The following CASTOR2 variants were observed in gnomAD, a reference collection of about 807,000 sequenced individuals.
The protein encoded by CASTOR2 is cytosolic arginine sensor for mTORC1 subunit 2, also known as GATS protein like 2.
Under a neutral mutation model 31.2 loss-of-function variants are expected in CASTOR2, and 8 were observed. That is an observed-to-expected ratio of 0.26 (90% confidence interval 0.15 to 0.46). CASTOR2 has a LOEUF of 0.46. CASTOR2 is among the 20% of genes least tolerant of loss of function. CASTOR2 has a pLI of 0.99. For synonymous variants in CASTOR2, 162 were observed against 158.7 expected (o/e 1.02, Z -0.16); for missense variants, 216 against 382.1 (o/e 0.57, Z 3.62).
At chr7:75,023,477 GT>G (rs1227555733) in intron 7 of CASTOR2, among the ~76,000 whole-genome samples, 28 of 44,716 alleles carry the variant, frequency 6.3e-4, no homozygotes, top group South Asian at 7.5e-4. Flanking sequence ...TTTGTTTTTT[GT>G]TTTTTTTTTT....
In CASTOR2 at chr7:75,026,189, G is replaced by GTTTTTTTTTT. The variant is rs879121750; in HGVS notation, c.*1498_*1507dup. On this transcript the variant is annotated 3_prime_UTR_variant, in exon 9 of 9. Transcript: ENST00000616305. ...CCCTGTGGTTTTGGCTCTGGCGGGGGTTTTTTTTTTTTTTTTTGAGATGGG... is the reference window on the plus strand; with the variant it reads ...CCCTGTGGTTTTGGCTCTGGCGGGGGTTTTTTTTTTTTTTTTTTTTTTTTTTTGAGATGGG... Among the ~76,000 whole-genome samples the GTTTTTTTTTT allele has an allele frequency of 4.2e-5, 5 of 117,710 alleles. No homozygotes were observed. The highest frequency in any genetic ancestry group is 2.8e-4 in the South Asian group (1 of 3,612). The allele number at this position is 117,710 out of a possible 152,430, so 77.2% of individuals were successfully genotyped here.
At chr7:74,995,355 G>A (rs1554437811) in intron 1 of CASTOR2, among the ~76,000 whole-genome samples, 2 of 151,860 alleles carry the variant, frequency 1.3e-5, no homozygotes, top group East Asian at 3.9e-4. Context: ...CCAGAGAGAA[G>A]GGATCAGATG....
chr7:74,967,351 G>A (rs1803588620), intron 1 of CASTOR2, among the ~76,000 whole-genome samples: 1 of 135,740 alleles, frequency 7.4e-6, no homozygotes, highest in African/African-American at 2.6e-5. Context: ...TTAATGGGTC[G>A]CAGCCTGCCG....
Position 75,003,623 on chromosome 7 carries a change from G to T in CASTOR2, c.114-4371G>T, listed in dbSNP as rs1187336780. On this transcript the variant is annotated intron_variant, in intron 1 of 8. Transcript: ENST00000616305. The stretch of plus-strand genomic sequence containing the variant: ...AAATTAGTTGGGCGTGGTGGCGTGC[G>T]CCTGTAGTCTCAGCTACTCTGGAGG... Among the ~76,000 whole-genome samples the T allele has an allele frequency of 5.9e-5, 9 of 152,074 alleles. No homozygotes were observed. The East Asian group carries it at 1.7e-3, about 29-fold the overall frequency.
chr7:74,989,741 A>G (rs2131929232), intron 1 of CASTOR2, among the ~76,000 whole-genome samples: 1 of 152,190 alleles, frequency 6.6e-6, no homozygotes, highest in Non-Finnish European at 1.5e-5. Flanking sequence ...TAATTTATTG[A>G]GCAAAATAAA....
At chr7:74,993,177 A>C (rs1465358327) in intron 1 of CASTOR2, among the ~76,000 whole-genome samples, 2 of 152,130 alleles carry the variant, frequency 1.3e-5, no homozygotes, top group Non-Finnish European at 2.9e-5. Context: ...CCAGCCTGGC[A>C]ACAGAGCAAG....
At chr7:74,995,836 A>G (rs1286762337) in intron 1 of CASTOR2, among the ~76,000 whole-genome samples, 3 of 151,338 alleles carry the variant, frequency 2.0e-5, no homozygotes, top group Non-Finnish European at 4.4e-5. Flanking sequence ...TTAGCCAGGC[A>G]TGGTGGTGTG....
In CASTOR2 at chr7:75,010,303, T is replaced by C. The variant is rs1272935562; in HGVS notation, c.184+2239T>C. Among the ~76,000 whole-genome samples, 335 of 152,110 alleles carry C rather than the reference T, an allele frequency of 2.2e-3. 2 individuals carry two copies. The highest frequency in any genetic ancestry group is 2.2e-3 in the Non-Finnish European group (148 of 67,988). ...TACAGGAGCAGAAGCAAGGGCCAGG[T>C]CCAGCCTCTAAAAAAGGGGAAGACA... On this transcript the variant is annotated intron_variant, in intron 2 of 8. Transcript: ENST00000616305.
chr7:74,973,414 C>T (rs1221158517), intron 1 of CASTOR2, among the ~76,000 whole-genome samples: 2 of 104,092 alleles, frequency 1.9e-5, no homozygotes, highest in Non-Finnish European at 3.8e-5. Context: ...GATCTCAGCT[C>T]ACTGCAACCT....
At chr7:74,988,855 C>CTTT (rs1423196185) in intron 1 of CASTOR2, among the ~76,000 whole-genome samples, 85 of 139,738 alleles carry the variant, frequency 6.1e-4, no homozygotes, top group African/African-American at 2.1e-3. Flanking sequence ...CTGAGGCATG[C>CTTT]TTTTTTTTTT....
intron 1 of CASTOR2, among the ~76,000 whole-genome samples, chr7:74,991,682 G>A (rs1294899741): frequency 3.3e-5 from 5 of 152,194 alleles, no homozygotes; most frequent in African/African-American, 9.6e-5. Flanking sequence ...AGGAGGGGAC[G>A]TAGTGGAGCA....
At chr7:75,009,416 C>A (rs1281162490) in intron 2 of CASTOR2, among the ~76,000 whole-genome samples, 12 of 150,956 alleles carry the variant, frequency 7.9e-5, no homozygotes, top group South Asian at 2.1e-4. Flanking sequence ...TACAGGCGCC[C>A]GCCACCACGC....
intron 6 of CASTOR2, among the ~76,000 whole-genome samples, chr7:75,021,455 G>A (rs1274858416): frequency 1.3e-5 from 2 of 152,158 alleles, no homozygotes; most frequent in Non-Finnish European, 2.9e-5. Context: ...CCTCACCATA[G>A]CACTTCATCA....
chr7:74,989,423 A>ATTTTTT (rs1804152019), intron 1 of CASTOR2, among the ~76,000 whole-genome samples: 3 of 148,238 alleles, frequency 2.0e-5, no homozygotes, highest in Non-Finnish European at 3.0e-5. Context: ...TGCCTGGGTA[A>ATTTTTT]TTTTTGTTTT....
intron 2 of CASTOR2, among the ~76,000 whole-genome samples, chr7:75,016,896 G>A (rs1291149719): frequency 1.3e-5 from 2 of 152,250 alleles, no homozygotes; most frequent in African/African-American, 2.4e-5. Context: ...GCTGGGCGCA[G>A]TGGCTCACGC....
Position 75,024,857 on chromosome 7 carries a change from AG to A in CASTOR2, c.*162del. On this transcript the variant is annotated 3_prime_UTR_variant, in exon 9 of 9. Coordinates refer to ENST00000616305, the MANE Select transcript of CASTOR2 (RefSeq NM_001145064.3). ...CCTCGATTGCCAATCCCTCCAGGGCAGGGGCCCACGCCAAGGCCTCTCCATG... is the reference window on the plus strand; with the variant it reads ...CCTCGATTGCCAATCCCTCCAGGGCAGGGCCCACGCCAAGGCCTCTCCATG... 1 of 1,532,948 alleles carries A rather than the reference AG, an allele frequency of 6.5e-7. No homozygotes were observed. The highest frequency in any genetic ancestry group is 8.8e-7 in the Non-Finnish European group (1 of 1,135,616). 95.0% of individuals were successfully genotyped at this position (1,532,948 alleles called of 1,614,324 possible).
chr7:75,022,672 G>A (rs899633804), intron 7 of CASTOR2, among the ~76,000 whole-genome samples: 1 of 152,130 alleles, frequency 6.6e-6, no homozygotes, highest in Admixed American at 6.5e-5. Context: ...AGTGGCGTGC[G>A]CCTGTAATCC....
chr7:75,021,786 T>C, intron 6 of CASTOR2, 88 bp from the exon 7 acceptor site: 10 of 1,495,550 alleles, frequency 6.7e-6, no homozygotes, highest in Non-Finnish European at 9.1e-6. Flanking sequence ...GCCAGCCCCA[T>C]GCCTCGCTCT....
At chr7:74,976,263 TCACGCCTGTAATCCCAG>T (rs1191444246) in intron 1 of CASTOR2, among the ~76,000 whole-genome samples, 17 of 125,360 alleles carry the variant, frequency 1.4e-4, no homozygotes, top group African/African-American at 3.1e-4. Context: ...GCACAGTGGC[TCACGCCTGTAATCCCAG>T]CACGCCTGTA....
Sources: allele counts gnomAD v4.1 joint callset (sites outside exome capture counted in the v4.1 genomes callset), GRCh38; gene constraint gnomAD v4.1.1; transcripts MANE v1.5; gene names NCBI Gene and HGNC (gene_info 2026-07-23, HGNC 2026-07-21).